The following FRMPD4 variants were observed in gnomAD, a reference collection of about 807,000 sequenced individuals.
The protein encoded by FRMPD4 is FERM and PDZ domain containing 4, also known as FERM and PDZ domain-containing protein 4.
Under a neutral mutation model 94.1 loss-of-function variants are expected in FRMPD4, and 22 were observed. That is an observed-to-expected ratio of 0.23 (90% CI 0.17 to 0.33). FRMPD4 has a LOEUF of 0.33. Ranked by LOEUF, FRMPD4 falls within the 10% of genes least tolerant of loss-of-function variation. The pLI is 1.00. For missense variants in FRMPD4, 1,111 were observed against 1,339.9 expected, an observed-to-expected ratio of 0.83 and a Z score of 2.67; for synonymous variants, 631 against 548.6, an observed-to-expected ratio of 1.15 and a Z score of -2.10.
At chrX:12,355,941 A>G (rs1465063778) in intron 1 of FRMPD4, among the ~76,000 whole-genome samples, 1 of 111,848 alleles carries the variant, frequency 8.9e-6, no homozygotes, top group Non-Finnish European at 1.9e-5. Flanking sequence ...CACATATACC[A>G]TCTTGAGGTT....
At chrX:12,331,716 TTA>T (rs1162600643) in intron 1 of FRMPD4, among the ~76,000 whole-genome samples, 5 of 44,583 alleles carry the variant, frequency 1.1e-4, no homozygotes, top group East Asian at 4.9e-4. Flanking sequence ...AATATATAAT[TTA>T]TATATAGTAT....
chrX:12,079,903 T>C (rs1429462541), intron 3 of FRMPD4, among the ~76,000 whole-genome samples: 2 of 112,808 alleles, frequency 1.8e-5, no homozygotes, highest in African/African-American at 6.4e-5. Context: ...AATGTCTCTT[T>C]ACATTCTAGG....
At chrX:11,858,644 C>A (rs1329502129) in intron 1 of FRMPD4, among the ~76,000 whole-genome samples, 1 of 111,126 alleles carries the variant, frequency 9.0e-6, no homozygotes, top group Non-Finnish European at 1.9e-5. Context: ...GTACAACAAA[C>A]CCCCATGACA....
chrX:12,665,980 G>A (rs574598875), intron 4 of FRMPD4, among the ~76,000 whole-genome samples: 23 of 110,532 alleles, frequency 2.1e-4, no homozygotes, highest in Non-Finnish European at 2.8e-4. Context: ...ACAGACTGGC[G>A]AATTGGATAA....
At chrX:11,991,051 A>T (rs1479524566) in intron 3 of FRMPD4, among the ~76,000 whole-genome samples, 1 of 111,961 alleles carries the variant, frequency 8.9e-6, no homozygotes, top group African/African-American at 3.2e-5. Flanking sequence ...TTGCCATGGG[A>T]CCTTCTCCAT....
At chrX:12,362,966 G>A (rs1238571206) in intron 1 of FRMPD4, among the ~76,000 whole-genome samples, 13 of 112,163 alleles carry the variant, frequency 1.2e-4, no homozygotes, top group African/African-American at 3.9e-4. Context: ...GTGATGATGA[G>A]CATTTTTTCA....
intron 3 of FRMPD4, among the ~76,000 whole-genome samples, chrX:11,904,802 T>C (rs2053958713): frequency 8.9e-6 from 1 of 112,363 alleles, no homozygotes; most frequent in Non-Finnish European, 1.9e-5. Context: ...CCCTTGAGCT[T>C]TTAAGAGATG....
At chrX:12,134,324 A>G (rs1416503433), upstream of FRMPD4, among the ~76,000 whole-genome samples, 1 of 112,353 alleles carries the variant, frequency 8.9e-6, no homozygotes, top group African/African-American at 3.2e-5. Flanking sequence ...CCTCCTCTTC[A>G]TAAGTTCTAT....
At chrX:12,076,247 G>A (rs184364568) in intron 3 of FRMPD4, among the ~76,000 whole-genome samples, 26 of 110,728 alleles carry the variant, frequency 2.3e-4, no homozygotes, top group Admixed American at 4.8e-4. Flanking sequence ...GCCAACTGGT[G>A]TTTCCAAATG....
chrX:11,825,786 T>C (rs1314278234), intron 1 of FRMPD4, among the ~76,000 whole-genome samples: 1 of 112,171 alleles, frequency 8.9e-6, no homozygotes, highest in Non-Finnish European at 1.9e-5. Context: ...GATGTTCTCA[T>C]TTAGGAAAGC....
intron 1 of FRMPD4, among the ~76,000 whole-genome samples, chrX:12,414,435 T>C (rs1250694973): frequency 1.8e-5 from 2 of 112,674 alleles, no homozygotes. Flanking sequence ...CTCAGTTAAT[T>C]TATTTTGTTA....
At chrX:12,498,130 T>C (rs1204199238) in intron 1 of FRMPD4, among the ~76,000 whole-genome samples, 2 of 111,533 alleles carry the variant, frequency 1.8e-5, no homozygotes, top group Non-Finnish European at 3.8e-5. Context: ...CAGCCTGGGA[T>C]TTGGAACCAC....
At chrX:12,478,421 A>C (rs1228050965) in intron 1 of FRMPD4, among the ~76,000 whole-genome samples, 2 of 111,597 alleles carry the variant, frequency 1.8e-5, no homozygotes, top group Non-Finnish European at 3.8e-5. Context: ...TAAAAAATAA[A>C]AATAAATTAG....
At chrX:12,690,027 T>A (rs1424208380) in intron 7 of FRMPD4, among the ~76,000 whole-genome samples, 168 bp from the exon 8 acceptor site, 3 of 112,605 alleles carry the variant, frequency 2.7e-5, no homozygotes, top group Non-Finnish European at 5.6e-5. Flanking sequence ...AAGGAAGGCT[T>A]CATTTCTGCA....
At chrX:12,292,649 C>T (rs959469528) in intron 1 of FRMPD4, among the ~76,000 whole-genome samples, 5 of 111,612 alleles carry the variant, frequency 4.5e-5, no homozygotes, top group African/African-American at 9.8e-5. Flanking sequence ...GGTCACATAA[C>T]GAACAAATTG....
chrX:12,589,900 A>AT (rs1359598820), intron 2 of FRMPD4, among the ~76,000 whole-genome samples: 1 of 112,063 alleles, frequency 8.9e-6, no homozygotes, highest in African/African-American at 3.2e-5. Context: ...TCATCAACTG[A>AT]TTCCTTCCAC....
chrX:12,070,654 C>T (rs929418588), intron 3 of FRMPD4, among the ~76,000 whole-genome samples: 1 of 111,732 alleles, frequency 8.9e-6, no homozygotes, highest in Non-Finnish European at 1.9e-5. Context: ...GTGCATGAGC[C>T]GCATGGTGCT....
intron 2 of FRMPD4, among the ~76,000 whole-genome samples, chrX:12,524,382 C>G (rs2058197925): frequency 9.0e-6 from 1 of 111,515 alleles, no homozygotes; most frequent in Admixed American, 9.5e-5. Flanking sequence ...TTACACTGGT[C>G]TGTTGGGGCC....
chrX:12,221,846 G>A (rs1489624197), intron 1 of FRMPD4, among the ~76,000 whole-genome samples: 1 of 111,759 alleles, frequency 8.9e-6, no homozygotes, highest in Admixed American at 9.5e-5. Flanking sequence ...ATATAATAGC[G>A]ACATCAGGAA....
Sources: allele counts gnomAD v4.1 joint callset (sites outside exome capture counted in the v4.1 genomes callset), GRCh38; gene constraint gnomAD v4.1.1; transcripts MANE v1.5; gene names NCBI Gene and HGNC (gene_info 2026-07-23, HGNC 2026-07-21).